Variants in ADGRF3 observed in about 807,000 individuals in gnomAD.
The protein encoded by ADGRF3 is G protein-coupled receptor 113.
Under a neutral mutation model 93.2 loss-of-function variants are expected in ADGRF3, and 85 were observed. The ratio of observed to expected loss-of-function variants is 0.91; its 90% CI spans 0.77 to 1.09. The LOEUF (loss-of-function observed/expected upper bound fraction) is 1.09. Ranked by LOEUF, ADGRF3 falls within the 50% of genes least tolerant of loss-of-function variation. The probability of loss-of-function intolerance (pLI) is 0.00; values close to 1 mark genes in which losing one functional copy is unlikely to be tolerated. For missense variants in ADGRF3, 1,125 were observed against 1,246.2 expected (o/e 0.90, Z 1.46); for synonymous variants, 534 against 532.5 (o/e 1.00, Z -0.04).
In ADGRF3 at chr2:26,315,707, TGCA is replaced by T; in HGVS notation, c.530_532del (p.Leu177del). ...CAGGCTCAGCGTGTCACCAGGCATC[TGCA>T]GCTGGGAGTTCAGGTTGAGGATCCC... On this transcript the variant is annotated inframe_deletion, in exon 5 of 14. Transcript: ENST00000651242. 2 of 1,551,504 alleles carry T rather than the reference TGCA, an allele frequency of 1.3e-6. No individual in the cohort carries two copies. Among genetic ancestry groups the T allele is most frequent in the Non-Finnish European group, 1.7e-6 (2 of 1,146,980 alleles).
In ADGRF3 at chr2:26,345,980, CG is replaced by C. The variant is rs555263781; in HGVS notation, c.114+140del. 640 of 786,648 alleles carry C rather than the reference CG, an allele frequency of 8.1e-4. 16 individuals are homozygous for C. The South Asian group carries it at 0.011, about 13-fold the overall frequency. 48.7% of individuals were successfully genotyped at this position (786,648 alleles called of 1,614,324 possible). On this transcript the variant is annotated intron_variant, in intron 1 of 13. Transcript: ENST00000651242. ...CACGCCGATTGGACAACAGCAGTGT[CG>C]GGGGACGGGCCGCTCGAGCGGGCTA... is the stretch of plus-strand genomic sequence containing the variant.
At chr2:26,330,184 T>C (rs1675681401) in intron 1 of ADGRF3, among the ~76,000 whole-genome samples, 1 of 152,206 alleles carries the variant, frequency 6.6e-6, no homozygotes, top group Non-Finnish European at 1.5e-5. Flanking sequence ...ATTCAGATCT[T>C]CTGCAGATGT....
intron 1 of ADGRF3, among the ~76,000 whole-genome samples, chr2:26,327,908 C>T (rs573227886): frequency 1.2e-4 from 18 of 152,082 alleles, no homozygotes; most frequent in Non-Finnish European, 1.9e-4. Flanking sequence ...TCCTCACAAC[C>T]TAATCACCTC....
rs369228011 is a variant in ADGRF3, at chr2:26,321,286, G to C, written c.115-3724C>G. On this transcript the variant is annotated intron_variant, in intron 1 of 13. Coordinates refer to ENST00000651242, the MANE Select transcript of ADGRF3 (RefSeq NM_001321971.2). ...AAAACATGAAAATGGTGGAGAATCT[G>C]GTTTGAGAACCAGAGAGAGAAGTGA... Among the ~76,000 whole-genome samples, 78 of 152,276 alleles carry C rather than the reference G, an allele frequency of 5.1e-4. No homozygotes were observed. The South Asian group carries it at 0.013, about 25-fold the overall frequency.
chr2:26,343,664 C>G (rs898745229), intron 1 of ADGRF3, among the ~76,000 whole-genome samples: 2 of 152,148 alleles, frequency 1.3e-5, no homozygotes, highest in African/African-American at 4.8e-5. Context: ...AGGATGGTCT[C>G]GATCTCCTGA....
rs372749672 is a variant in ADGRF3, at chr2:26,314,600, C to T, written c.742G>A (p.Ala248Thr). Reference protein sequence around the residue: ...WAGEYMSCFEAQGFKWNLYEV... With the variant: ...WAGEYMSCFETQGFKWNLYEV... Reference sequence around the variant, plus strand: ...TACAGGTTCCACTTGAAGCCCTGGGCCTCGAAGCAGCTCATGTACTCACCT... The same window carrying T: ...TACAGGTTCCACTTGAAGCCCTGGGTCTCGAAGCAGCTCATGTACTCACCT... The change falls in exon 6 of 14, where the codon GCC (alanine) becomes ACC (threonine). Residue 248 changes from alanine (A) to threonine (T), a missense_variant. Ala to Thr is a moderately conservative substitution (Grantham distance 58). Coordinates refer to ENST00000651242, the MANE Select transcript of ADGRF3 (RefSeq NM_001321971.2). The T allele has an allele frequency of 1.9e-5, 31 of 1,613,764 alleles. No homozygotes were observed. Among genetic ancestry groups the T allele is most frequent in the Non-Finnish European group, 2.5e-5 (30 of 1,179,794 alleles).
chr2:26,335,638 C>T (rs969894387), intron 1 of ADGRF3, among the ~76,000 whole-genome samples: 10 of 115,286 alleles, frequency 8.7e-5, no homozygotes, highest in East Asian at 1.0e-3. Flanking sequence ...TCCTTGCCAA[C>T]GCTGTTTTTT....
chr2:26,318,842 T>G (rs1674926934), intron 1 of ADGRF3: 1 of 1,478,342 alleles, frequency 6.8e-7, no homozygotes, highest in African/African-American at 1.4e-5. Flanking sequence ...TACACATTAC[T>G]TCCTCTCCCC....
chr2:26,314,410 A>AT lies in ADGRF3; in HGVS notation c.928+3dup, dbSNP rs1171479594. 6.2e-7 allele frequency: 1 copy of AT among 1,611,132 alleles called. No homozygotes were observed. The highest frequency in any genetic ancestry group is 8.5e-7 in the Non-Finnish European group (1 of 1,178,508). ...GACCCCTGACTGCTGGCCCCTTCTC[A>AT]TACCTTTGCTGCCCTCTCCAGGGCT... On this transcript the variant is annotated splice_donor_region_variant and intron_variant, in intron 6 of 13. Coordinates refer to ENST00000651242, the MANE Select transcript of ADGRF3 (RefSeq NM_001321971.2).
chr2:26,316,708 A>C (rs1338383555), intron 3 of ADGRF3, among the ~76,000 whole-genome samples: 1 of 152,194 alleles, frequency 6.6e-6, no homozygotes, highest in Non-Finnish European at 1.5e-5. Context: ...CATCAGCCAA[A>C]GTTAGAAGAT....
chr2:26,328,434 A>G (rs1219557465), intron 1 of ADGRF3, among the ~76,000 whole-genome samples: 1 of 150,200 alleles, frequency 6.7e-6, no homozygotes, highest in African/African-American at 2.4e-5. Context: ...CTCTAATGAC[A>G]CAACTATTAG....
Position 26,319,183 on chromosome 2 carries a change from C to T in ADGRF3, c.115-1621G>A, listed in dbSNP as rs773972191. 46 of 891,484 alleles carry T rather than the reference C, an allele frequency of 5.2e-5. No homozygotes were observed. In the Middle Eastern group the frequency reaches 1.1e-3, roughly 21 times the overall value. 55.2% of individuals were successfully genotyped at this position (891,484 alleles called of 1,614,324 possible). A position where few individuals can be genotyped will look rare whatever the true frequency, so the allele number is the denominator to read the frequency against. ...TGAATTTACAGAGGAAGCGCTACAG[C>T]CTGTGACTCTGAGTGAAATGGGAAT... On this transcript the variant is annotated intron_variant, in intron 1 of 13. Coordinates refer to ENST00000651242, the MANE Select transcript of ADGRF3 (RefSeq NM_001321971.2).
chr2:26,312,915 G>C (rs756042816), intron 9 of ADGRF3, 28 bp downstream of exon 9: 2 of 1,579,126 alleles, frequency 1.3e-6, no homozygotes, highest in African/African-American at 2.7e-5. Flanking sequence ...CTGCCCAGCT[G>C]GCCCCCACTG....
chr2:26,345,023 A>G (rs1451076349), intron 1 of ADGRF3, among the ~76,000 whole-genome samples: 1 of 152,138 alleles, frequency 6.6e-6, no homozygotes, highest in African/African-American at 2.4e-5. Context: ...TATTTCAGAG[A>G]CCCAGAGAGA....
At chr2:26,323,175 T>C (rs992954715) in intron 1 of ADGRF3, among the ~76,000 whole-genome samples, 2 of 152,066 alleles carry the variant, frequency 1.3e-5, no homozygotes, top group Non-Finnish European at 2.9e-5. Flanking sequence ...CTATATCAAA[T>C]CTTACAGTCT....
intron 6 of ADGRF3, 41 bp from the exon 7 acceptor site, chr2:26,313,944 G>A (rs776308930): frequency 1.2e-6 from 2 of 1,611,060 alleles, no homozygotes; most frequent in East Asian, 2.2e-5. Context: ...TTGGGCCAGG[G>A]ACAGGCCTGG....
At chr2:26,313,261 G>T in intron 8 of ADGRF3, 116 bp downstream of exon 8, 1 of 1,434,466 alleles carries the variant, frequency 7.0e-7, no homozygotes, top group South Asian at 1.3e-5. Flanking sequence ...CTCCACTTCA[G>T]AGAAGCTGAA....
At chr2:26,316,782 G>A (rs1001481578) in intron 3 of ADGRF3, 130 bp downstream of exon 3, 16 of 1,023,456 alleles carry the variant, frequency 1.6e-5, no homozygotes, top group Middle Eastern at 3.0e-4. Context: ...GCTGGGCCAC[G>A]GAGACAGAAC....
intron 13 of ADGRF3, 106 bp downstream of exon 13, chr2:26,309,420 G>A: frequency 3.9e-6 from 6 of 1,547,248 alleles, no homozygotes; most frequent in Non-Finnish European, 5.2e-6. Context: ...TGTGGGCTGG[G>A]TATAGAAAGA....
Sources: allele counts gnomAD v4.1 joint callset (sites outside exome capture counted in the v4.1 genomes callset), GRCh38; gene constraint gnomAD v4.1.1; transcripts MANE v1.5; gene names NCBI Gene and HGNC (gene_info 2026-07-23, HGNC 2026-07-21).